The following ACTR1A variants were observed in gnomAD, a reference collection of about 807,000 sequenced individuals.
The protein encoded by ACTR1A is actin related protein 1A.
ACTR1A carries 10 observed loss-of-function variants against 50.7 expected under a neutral mutation model. The ratio of observed to expected loss-of-function variants is 0.20; its 90% CI spans 0.12 to 0.33. ACTR1A has a LOEUF of 0.33. Among genes scored for constraint, ACTR1A ranks in the 10% least tolerant of loss-of-function variants. The pLI is 1.00. For synonymous variants in ACTR1A, 177 were observed against 184.2 expected, an observed-to-expected ratio of 0.96 and a Z score of 0.32; for missense variants, 253 against 491.7, an observed-to-expected ratio of 0.51 and a Z score of 4.59.
intron 1 of ACTR1A, among the ~76,000 whole-genome samples, chr10:102,491,414 A>G (rs1363006257): frequency 1.3e-5 from 2 of 152,214 alleles, no homozygotes; most frequent in Admixed American, 6.5e-5. Context: ...CATGCTTGAA[A>G]TGGACTCCCA....
chr10:102,493,955 T>C (rs1037384490), intron 1 of ACTR1A, among the ~76,000 whole-genome samples: 2 of 152,326 alleles, frequency 1.3e-5, no homozygotes, highest in African/African-American at 4.8e-5. Context: ...CAGCGTGTCC[T>C]TGCAGCCCCC....
rs535412844 is a variant in ACTR1A at position 102,479,247 on chromosome 10, G to A, written c.*1616C>T. The A allele has an allele frequency of 1.6e-4, 113 of 713,586 alleles. 1 individual carries two copies. The highest frequency in any genetic ancestry group is 1.5e-3 in the South Asian group (95 of 64,620). 44.2% of individuals were successfully genotyped at this position (713,586 alleles called of 1,614,324 possible). On this transcript the variant is annotated 3_prime_UTR_variant, in exon 11 of 11. Transcript: ENST00000369905. This position sits in a 1 kb window ranked among gnomAD's most constrained non-coding sequence, Gnocchi z 4.0. ...GCCCAGCTGACGTGTCTATCGGAAC[G>A]ACTTTATTTCAGTACACTGGGCCCC...
intron 1 of ACTR1A, among the ~76,000 whole-genome samples, chr10:102,497,282 G>A (rs1472549527): frequency 6.6e-6 from 1 of 151,940 alleles, no homozygotes; most frequent in Non-Finnish European, 1.5e-5. Flanking sequence ...ACGTATGGAT[G>A]TTCCTTACAC....
At position 102,481,363 on chromosome 10, in the gene ACTR1A, G is replaced by A. The variant is rs2062140655; in HGVS notation, c.988-191C>T. Among the ~76,000 whole-genome samples, 3 of 141,788 alleles carry A rather than the reference G, an allele frequency of 2.1e-5. No individual in the cohort carries two copies. The Admixed American group carries it at 2.1e-4, about 10-fold the overall frequency. 93.0% of individuals were successfully genotyped at this position (141,788 alleles called of 152,430 possible). ...AGGTTTCCAGTCCCCACAGGTCCCA[G>A]GGAAGCTGGGACTATTGGGGGGGGC... is the stretch of plus-strand genomic sequence containing the variant. On this transcript the variant is annotated intron_variant, in intron 9 of 10. Coordinates refer to ENST00000369905, the MANE Select transcript of ACTR1A (RefSeq NM_005736.4).
At chr10:102,490,161 A>AGG (rs1296397698) in intron 2 of ACTR1A, among the ~76,000 whole-genome samples, 1 of 146,888 alleles carries the variant, frequency 6.8e-6, no homozygotes, top group East Asian at 2.1e-4. Flanking sequence ...TGAACCCGGG[A>AGG]TGCAGAGCTT....
rs751994749 is a variant in ACTR1A at position 102,502,660 on chromosome 10, T to C, written c.-13A>G. On this transcript the variant is annotated 5_prime_UTR_variant, in exon 1 of 11. Coordinates refer to ENST00000369905, the MANE Select transcript of ACTR1A (RefSeq NM_005736.4). The stretch of plus-strand genomic sequence containing the variant: ...CGTAGGACTCCATGGCAGAGGAATC[T>C]CTCCTTCTGGGGAAGGAACTGCCCA... 6.2e-7 allele frequency: 1 copy of C among 1,614,110 alleles called. No individual in the cohort carries two copies. The highest frequency in any genetic ancestry group is 2.2e-5 in the East Asian group (1 of 44,886).
At chr10:102,502,558 G>A (rs373438446) in intron 1 of ACTR1A, 42 bp downstream of exon 1, 69 of 1,608,912 alleles carry the variant, frequency 4.3e-5, no homozygotes, top group Non-Finnish European at 5.9e-5. Flanking sequence ...TTTCGAGGAG[G>A]AGAGCCCAAG....
At chr10:102,499,990 T>A (rs1321941174) in intron 1 of ACTR1A, among the ~76,000 whole-genome samples, 1 of 152,210 alleles carries the variant, frequency 6.6e-6, no homozygotes, top group Non-Finnish European at 1.5e-5. Flanking sequence ...ATACTGTGTG[T>A]GTGTGGAGAG....
At chr10:102,500,793 C>A (rs1017502858) in intron 1 of ACTR1A, among the ~76,000 whole-genome samples, 1 of 151,900 alleles carries the variant, frequency 6.6e-6, no homozygotes, top group Non-Finnish European at 1.5e-5. Context: ...GGCGTCTCTG[C>A]CAGGCACGGT....
chr10:102,495,755 A>ATTTTTTT (rs79530206), intron 1 of ACTR1A, among the ~76,000 whole-genome samples: 1 of 99,550 alleles, frequency 1.0e-5, no homozygotes, highest in East Asian at 3.3e-4. Flanking sequence ...TAAATACACA[A>ATTTTTTT]TTTTTTTTTT....
Position 102,483,103 on chromosome 10 carries a change from T to C in ACTR1A, c.658A>G (p.Arg220Gly). 1 of 1,612,922 alleles carries C rather than the reference T, an allele frequency of 6.2e-7. No individual in the cohort carries two copies. The highest frequency in any genetic ancestry group is 8.5e-7 in the Non-Finnish European group (1 of 1,178,856). ...EFEIVKAIKERACYLSINPQK... is the reference protein window; with the variant it reads ...EFEIVKAIKEGACYLSINPQK... ...GGGTTTATGGATAGGTAACAGGCTC[T>C]CTGCAGATCCAAGCAAGACAGTCAG... The change falls in exon 7 of 11, where the codon AGA becomes GGA. Residue 220 changes from arginine to glycine, a missense_variant and splice_region_variant. By Grantham distance (125) the Arg-to-Gly change is moderately radical (BLOSUM62 -2). Coordinates refer to ENST00000369905, the MANE Select transcript of ACTR1A (RefSeq NM_005736.4).
intron 1 of ACTR1A, among the ~76,000 whole-genome samples, chr10:102,498,469 T>A (rs1350672957): frequency 6.6e-6 from 1 of 152,170 alleles, no homozygotes; most frequent in Non-Finnish European, 1.5e-5. Flanking sequence ...GGAATGTTGA[T>A]CCATTTTAGG....
chr10:102,501,065 T>TGTCTCCAAAA (rs2062248649), intron 1 of ACTR1A, among the ~76,000 whole-genome samples: 1 of 148,696 alleles, frequency 6.7e-6, no homozygotes, highest in African/African-American at 2.5e-5. Flanking sequence ...AGCGAGACCC[T>TGTCTCCAAAA]GTCTCCAAAA....
Position 102,479,321 on chromosome 10 carries a change from T to G in ACTR1A, c.*1542A>C. 2 of 400,364 alleles carry G rather than the reference T, an allele frequency of 5.0e-6. No individual in the cohort carries two copies. Among genetic ancestry groups the G allele is most frequent in the Non-Finnish European group, 9.3e-6 (2 of 214,926 alleles). The allele number at this position is 400,364 out of a possible 1,614,324, so 24.8% of individuals were successfully genotyped here. A position where few individuals can be genotyped will look rare whatever the true frequency, so the allele number is the denominator to read the frequency against. ...GGCTGTGCGAGGGACAGGCTTGGGCTAAGAGAAGGGAGGTGAGTTGGTTAA... is the reference window on the plus strand; with the variant it reads ...GGCTGTGCGAGGGACAGGCTTGGGCGAAGAGAAGGGAGGTGAGTTGGTTAA... On this transcript the variant is annotated 3_prime_UTR_variant, in exon 11 of 11. Transcript: ENST00000369905. The surrounding 1 kb of genome is among the most constrained non-coding windows in gnomAD (Gnocchi z 4.0).
chr10:102,488,047 A>C lies in ACTR1A; in HGVS notation c.315+103T>G. The C allele has an allele frequency of 7.2e-7, 1 of 1,380,886 alleles. No individual in the cohort carries two copies. Among genetic ancestry groups the C allele is most frequent in the East Asian group, 2.3e-5 (1 of 42,820 alleles). The allele number at this position is 1,380,886 out of a possible 1,614,324, so 85.5% of individuals were successfully genotyped here. ...ATATGCCTGAAAATCAAATGGCTCC[A>C]GCACTCTTGGCAGTGATCATCGTCC... On this transcript the variant is annotated intron_variant, in intron 4 of 10. Transcript: ENST00000369905. The surrounding 1 kb of genome is among the most constrained non-coding windows in gnomAD (Gnocchi z 4.4).
chr10:102,483,388 G>A, intron 6 of ACTR1A: 1 of 372,920 alleles, frequency 2.7e-6, no homozygotes, highest in South Asian at 4.2e-5. Flanking sequence ...TTCAGCCCAG[G>A]CCCAGGCATC....
intron 2 of ACTR1A, among the ~76,000 whole-genome samples, chr10:102,490,142 A>AGAATGGTGT (rs2062185152): frequency 6.6e-6 from 1 of 151,148 alleles, no homozygotes; most frequent in African/African-American, 2.4e-5. Flanking sequence ...AGGCTGAGGC[A>AGAATGGTGT]GAATGGTGTG....
chr10:102,485,412 A>G (rs1278557781), intron 5 of ACTR1A, among the ~76,000 whole-genome samples, 197 bp downstream of exon 5: 2 of 152,238 alleles, frequency 1.3e-5, no homozygotes, highest in South Asian at 2.1e-4. Flanking sequence ...TAGCAGCCAC[A>G]TGTCCTTCTT....
chr10:102,481,824 A>G lies in ACTR1A; in HGVS notation c.987+13T>C, dbSNP rs750180457. The G allele has an allele frequency of 3.7e-6, 6 of 1,612,192 alleles. No individual in the cohort carries two copies. The South Asian group carries it at 6.6e-5, about 18-fold the overall frequency. ...CCTAGTTCCACCCAGGCCAGGCCCC[A>G]CCATGCTCCTACCCTGATCTTCACA... On this transcript the variant is annotated intron_variant, in intron 9 of 10. Coordinates refer to ENST00000369905, the MANE Select transcript of ACTR1A (RefSeq NM_005736.4).
Sources: allele counts gnomAD v4.1 joint callset (sites outside exome capture counted in the v4.1 genomes callset), GRCh38; gene constraint gnomAD v4.1.1; non-coding constraint Gnocchi (gnomAD v3.1); transcripts MANE v1.5; gene names NCBI Gene and HGNC (gene_info 2026-07-23, HGNC 2026-07-21).